Variants in ARVCF observed in about 807,000 individuals in gnomAD.
ARVCF encodes the protein ARVCF delta catenin family member.
In ARVCF, 66 loss-of-function variants were observed where a neutral mutation model predicts 90.9. The ratio of observed to expected loss-of-function variants is 0.73; its 90% CI spans 0.60 to 0.89. The LOEUF (loss-of-function observed/expected upper bound fraction) is 0.89. Among genes scored for constraint, ARVCF ranks in the 40% least tolerant of loss-of-function variants. ARVCF has a pLI of 0.00. For missense variants in ARVCF, 1,469 were observed against 1,382.3 expected, an observed-to-expected ratio of 1.06 and a Z score of -1.00; for synonymous variants, 653 against 603.4, an observed-to-expected ratio of 1.08 and a Z score of -1.21.
downstream of ARVCF, chr22:19,968,558 G>GGACAGTGCTAC: frequency 6.2e-7 from 1 of 1,614,070 alleles, no homozygotes; most frequent in South Asian, 1.1e-5. Context: ...CTGCGGAAGG[G>GGACAGTGCTAC]GACAGTGCTA....
intron 1 of ARVCF, among the ~76,000 whole-genome samples, chr22:20,010,799 G>A (rs966130240): frequency 3.3e-5 from 5 of 152,194 alleles, no homozygotes. Context: ...TGATAATGAC[G>A]TCTTCCCCAT....
At position 19,973,660 on chromosome 22, in the gene ARVCF, C is replaced by T. The variant is rs1942975529; in HGVS notation, c.2222G>A (p.Arg741His). 2 of 1,608,912 alleles carry T rather than the reference C, an allele frequency of 1.2e-6. No individual in the cohort carries two copies. Among genetic ancestry groups the T allele is most frequent in the South Asian group, 1.1e-5 (1 of 90,962 alleles). ...GTCCTCACCGATGAGGTCTTTGTTG[C>T]GCCGGTCCAGCGAGAGGTTGCGCAG... Reference protein sequence around the residue: ...IALRNLSLDRRNKDLIGSYAM... With the variant: ...IALRNLSLDRHNKDLIGSYAM... Residue 741 changes from arginine to histidine, a missense_variant, in exon 13 of 20, where the codon CGC (arginine) becomes CAC (histidine). Transcript: ENST00000263207.
chr22:20,010,887 C>A lies in ARVCF; in HGVS notation c.-72-379G>T, dbSNP rs925487475. Among the ~76,000 whole-genome samples, 4 of 152,236 alleles carry A rather than the reference C, an allele frequency of 2.6e-5. No homozygotes were observed. The East Asian group carries it at 5.8e-4, about 22-fold the overall frequency. ...GTTGCCCCACGCAGGTGCTCACAGC[C>A]CCATAAGACATCTGCTCCACCTCCC... is the stretch of plus-strand genomic sequence containing the variant. On this transcript the variant is annotated intron_variant, in intron 1 of 19. Coordinates refer to ENST00000263207, the MANE Select transcript of ARVCF (RefSeq NM_001670.3).
Position 19,971,168 on chromosome 22 carries a change from C to A in ARVCF, c.*12+48G>T, listed in dbSNP as rs1236976242. ...AGCGGAGACTAACAAGAAGCCCTGGCCCAGAGGGCAGGAACAGGTGGACGA... is the reference window on the plus strand; with the variant it reads ...AGCGGAGACTAACAAGAAGCCCTGGACCAGAGGGCAGGAACAGGTGGACGA... On this transcript the variant is annotated intron_variant, in intron 19 of 19. Coordinates refer to ENST00000263207, the MANE Select transcript of ARVCF (RefSeq NM_001670.3). 6.4e-6 allele frequency: 10 copies of A among 1,550,864 alleles called. No homozygotes were observed. The East Asian group carries it at 2.4e-4, about 38-fold the overall frequency.
downstream of ARVCF, among the ~76,000 whole-genome samples, chr22:19,966,109 C>T (rs566389623): frequency 3.3e-5 from 5 of 152,328 alleles, no homozygotes; most frequent in East Asian, 5.8e-4. Context: ...GTGCTGCTTG[C>T]GCAAAGCTGG....
At chr22:19,985,572 T>C (rs1188808499) in intron 3 of ARVCF, among the ~76,000 whole-genome samples, 1 of 152,186 alleles carries the variant, frequency 6.6e-6, no homozygotes, top group African/African-American at 2.4e-5. Context: ...CTGGGTAGCA[T>C]CAGTCTCACT....
intron 12 of ARVCF, 76 bp downstream of exon 12, chr22:19,974,036 G>A: frequency 1.9e-6 from 3 of 1,540,814 alleles, no homozygotes; most frequent in Non-Finnish European, 2.6e-6. Flanking sequence ...GCCAGCCGAG[G>A]CAGGAGCTGC....
At chr22:19,968,509 C>T (rs1942552008), downstream of ARVCF, 2 of 1,608,688 alleles carry the variant, frequency 1.2e-6, no homozygotes, top group South Asian at 1.1e-5. Context: ...TGACCCTCAC[C>T]TCCCCCACCC....
In ARVCF at chr22:19,982,076, T is replaced by C; in HGVS notation, c.226A>G (p.Ser76Gly). 6.2e-7 allele frequency: 1 copy of C among 1,611,988 alleles called. No homozygotes were observed. Among genetic ancestry groups the C allele is most frequent in the Non-Finnish European group, 8.5e-7 (1 of 1,179,926 alleles). The change falls in exon 4 of 20, where the codon AGC (serine) becomes GGC (glycine). Residue 76 changes from serine (S) to glycine (G), a missense_variant. Coordinates refer to ENST00000263207, the MANE Select transcript of ARVCF (RefSeq NM_001670.3). ...GGCATCGTGGCCAGTGAGGCCTGGC[T>C]GCCTGGGCTCTGCTCCTGGGGCAAG... ...QLVLQEQSPG[S>G]QASLATMPEA...
chr22:19,972,326 C>A (rs1157526017), intron 17 of ARVCF, 32 bp downstream of exon 17: 2 of 1,613,708 alleles, frequency 1.2e-6, no homozygotes, highest in South Asian at 2.2e-5. Flanking sequence ...CCTCCCGGCA[C>A]AGAAAACCAA....
chr22:20,016,027 G>T (rs1945099721), intron 1 of ARVCF, among the ~76,000 whole-genome samples: 1 of 152,246 alleles, frequency 6.6e-6, no homozygotes, highest in African/African-American at 2.4e-5. Context: ...GCGCAGGGCG[G>T]CGTGGGGAGG....
rs372024829 is a variant in ARVCF at position 19,977,490 on chromosome 22, G to T, written c.1795C>A (p.Pro599Thr). 6.3e-7 allele frequency: 1 copy of T among 1,598,708 alleles called. No homozygotes were observed. The highest frequency in any genetic ancestry group is 1.1e-5 in the South Asian group (1 of 89,942). Reference protein sequence around the residue: ...ADRYQEAEPGPLGSAVGSQRR... With the variant: ...ADRYQEAEPGTLGSAVGSQRR... ...TGGGAGCCTACAGCACTGCCCAGGGGCCCGGGCTCGGCCTCCTGGTACCTG... is the reference window on the plus strand; with the variant it reads ...TGGGAGCCTACAGCACTGCCCAGGGTCCCGGGCTCGGCCTCCTGGTACCTG... Residue 599 changes from proline to threonine, a missense_variant, in exon 9 of 20, where the codon CCC (proline) becomes ACC (threonine). Pro to Thr is a conservative substitution (Grantham distance 38, BLOSUM62 -1). Coordinates refer to ENST00000263207, the MANE Select transcript of ARVCF (RefSeq NM_001670.3).
In ARVCF at chr22:19,982,110, T is replaced by C. The variant is rs572979885; in HGVS notation, c.211-19A>G. 1.2e-5 allele frequency: 20 copies of C among 1,608,114 alleles called. No homozygotes were observed. The highest frequency in any genetic ancestry group is 9.3e-5 in the African/African-American group (7 of 74,936). ...TCTGCTCCTGGGGCAAGGAGGGACA[T>C]TGGTGGGCAGGCCTGCTGCTCAGTC... On this transcript the variant is annotated intron_variant, in intron 3 of 19. Coordinates refer to ENST00000263207, the MANE Select transcript of ARVCF (RefSeq NM_001670.3).
At chr22:19,979,639 G>T in intron 6 of ARVCF, 104 bp downstream of exon 6, 1 of 1,446,626 alleles carries the variant, frequency 6.9e-7, no homozygotes, top group Admixed American at 2.4e-5. Context: ...TGCCTACCGG[G>T]TGCTTTCCCA....
chr22:19,992,160 G>A (rs116583176), intron 2 of ARVCF, among the ~76,000 whole-genome samples: 30 of 152,314 alleles, frequency 2.0e-4, no homozygotes, highest in African/African-American at 7.0e-4. Flanking sequence ...CAGCCCCACC[G>A]ACAGCTGGGA....
chr22:19,987,760 C>T (rs1039188976), intron 3 of ARVCF, among the ~76,000 whole-genome samples: 4 of 152,064 alleles, frequency 2.6e-5, no homozygotes, highest in African/African-American at 9.7e-5. Flanking sequence ...AGAACTGTCC[C>T]CACAGAGTTC....
At chr22:19,980,379 G>C in intron 5 of ARVCF, 137 bp from the exon 6 acceptor site, 1 of 1,288,354 alleles carries the variant, frequency 7.8e-7, no homozygotes, top group Non-Finnish European at 1.0e-6. Context: ...TCTTGGCCCG[G>C]AGCATGGTGG....
At chr22:20,013,843 T>C (rs931370802) in intron 1 of ARVCF, among the ~76,000 whole-genome samples, 4 of 152,196 alleles carry the variant, frequency 2.6e-5, no homozygotes, top group Non-Finnish European at 5.9e-5. Context: ...AGACTTCATC[T>C]TGGGTTTTTC....
chr22:19,971,145 CGG>C lies in ARVCF; in HGVS notation c.*12+69_*12+70del, dbSNP rs201888620. The C allele has an allele frequency of 4.3e-3, 6,648 of 1,549,246 alleles. 227 individuals carry two copies. The African/African-American group carries it at 0.075, about 18-fold the overall frequency. On this transcript the variant is annotated intron_variant, in intron 19 of 19. Transcript: ENST00000263207. Reference sequence around the variant, plus strand: ...CGGGAAGAGCAGAGCGTGCAGGCAGCGGAGACTAACAAGAAGCCCTGGCCCAG... The same window carrying C: ...CGGGAAGAGCAGAGCGTGCAGGCAGCAGACTAACAAGAAGCCCTGGCCCAG...
Sources: allele counts gnomAD v4.1 joint callset (sites outside exome capture counted in the v4.1 genomes callset), GRCh38; gene constraint gnomAD v4.1.1; transcripts MANE v1.5; gene names NCBI Gene and HGNC (gene_info 2026-07-23, HGNC 2026-07-21).